The following DPEP1 variants were observed in gnomAD, a reference collection of about 807,000 sequenced individuals.
The protein encoded by DPEP1 is dipeptidase 1.
In DPEP1, 50 loss-of-function variants were observed where a neutral mutation model predicts 42.3. The observed-to-expected ratio is 1.18, with a 90% CI of 0.94 to 1.50. The LOEUF is 1.50. Among genes scored for constraint, DPEP1 ranks in the 40% most tolerant of loss-of-function variants. The probability of loss-of-function intolerance (pLI) is 0.00; values close to 1 mark genes in which losing one functional copy is unlikely to be tolerated. For missense variants in DPEP1, 663 were observed against 553.0 expected, an observed-to-expected ratio of 1.20 and a Z score of -1.99; for synonymous variants, 297 against 234.0, an observed-to-expected ratio of 1.27 and a Z score of -2.46.
chr16:89,637,804 T>G (rs1567993997), intron 9 of DPEP1, 32 bp from the exon 10 acceptor site: 8 of 1,612,506 alleles, frequency 5.0e-6, no homozygotes, highest in Non-Finnish European at 5.9e-6. Flanking sequence ...TGTCCTAGTG[T>G]GGGGGCCCAG....
chr16:89,633,482 A>T (rs937807953), intron 2 of DPEP1, among the ~76,000 whole-genome samples: 1 of 152,208 alleles, frequency 6.6e-6, no homozygotes, highest in Admixed American at 6.5e-5. Context: ...TCCCCTGAGG[A>T]GCTCCATGGG....
intron 1 of DPEP1, among the ~76,000 whole-genome samples, chr16:89,617,788 C>CCGGGCGCGGTGGCTCA (rs2059396514): frequency 3.3e-5 from 5 of 151,972 alleles, no homozygotes; most frequent in East Asian, 3.9e-4. Flanking sequence ...CTGTGGGAGG[C>CCGGGCGCGGTGGCTCA]CAAGACGGGC....
In DPEP1 at chr16:89,618,357, C is replaced by G. The variant is rs1008428919; in HGVS notation, c.-107+4638C>G. Among the ~76,000 whole-genome samples, 10 of 152,220 alleles carry G rather than the reference C, an allele frequency of 6.6e-5. No individual in the cohort carries two copies. The South Asian group carries it at 2.1e-3, about 32-fold the overall frequency. On this transcript the variant is annotated intron_variant, in intron 1 of 10. Coordinates refer to ENST00000690203, the MANE Select transcript of DPEP1 (RefSeq NM_001389466.1). The stretch of plus-strand genomic sequence containing the variant: ...TCGGTCTGCTATGTAGCCAAGACCA[C>G]AAGTGTGTGCCACCACGCTTGGCTA...
At chr16:89,626,541 G>T (rs1055495909) in intron 1 of DPEP1, 1 of 152,078 alleles carries the variant, frequency 6.6e-6, no homozygotes, top group African/African-American at 2.4e-5. Context: ...GTAGAGATGG[G>T]GTTTCTCCAT....
chr16:89,615,381 C>T (rs761084640), intron 1 of DPEP1, among the ~76,000 whole-genome samples: 9 of 152,176 alleles, frequency 5.9e-5, no homozygotes, highest in Non-Finnish European at 1.2e-4. Context: ...CTGGTCTACA[C>T]GCAGCTCTGG....
chr16:89,629,970 G>C (rs544775578), intron 1 of DPEP1, among the ~76,000 whole-genome samples: 3 of 152,306 alleles, frequency 2.0e-5, no homozygotes, highest in East Asian at 3.9e-4. Context: ...CTGTTGTCTT[G>C]CTTGCAGATC....
chr16:89,630,449 C>T lies in DPEP1; in HGVS notation c.39C>T (p.Val13=). 2 of 1,611,672 alleles carry T rather than the reference C, an allele frequency of 1.2e-6. No individual in the cohort carries two copies. The highest frequency in any genetic ancestry group is 1.7e-6 in the Non-Finnish European group (2 of 1,179,286). ...SGWWLWPLVA[V]CTADFFRDEA... ...GGTGGCTGTGGCCCCTTGTGGCCGT[C>T]TGCACTGCAGACTTCTTTCGGGACG... is the stretch of plus-strand genomic sequence containing the variant. The change falls in exon 2 of 11, where the codon GTC becomes GTT. Residue 13 remains valine, a synonymous_variant. Transcript: ENST00000690203.
At chr16:89,623,835 G>A (rs748189095) in intron 1 of DPEP1, among the ~76,000 whole-genome samples, 12 of 152,282 alleles carry the variant, frequency 7.9e-5, no homozygotes, top group Middle Eastern at 6.8e-3. Context: ...GGATACGGGC[G>A]ACTGGAAATT....
chr16:89,616,924 G>A (rs781691648), intron 1 of DPEP1: 45 of 240,668 alleles, frequency 1.9e-4, no homozygotes, highest in South Asian at 3.2e-4. Context: ...GGTAGGAAGC[G>A]GGCAGGTTTT....
chr16:89,619,998 C>A (rs1036646410), intron 1 of DPEP1, among the ~76,000 whole-genome samples: 9 of 146,200 alleles, frequency 6.2e-5, no homozygotes, highest in African/African-American at 1.8e-4. Context: ...GGCCTCCCCC[C>A]GCCTGCTTGA....
At chr16:89,625,929 G>A (rs1183393321) in intron 1 of DPEP1, among the ~76,000 whole-genome samples, 2 of 152,284 alleles carry the variant, frequency 1.3e-5, no homozygotes, top group South Asian at 2.1e-4. Flanking sequence ...ACCAGGACAC[G>A]GGGCCCTGCC....
chr16:89,621,781 C>A (rs1388189337), intron 1 of DPEP1, among the ~76,000 whole-genome samples: 1 of 152,198 alleles, frequency 6.6e-6, no homozygotes, highest in Non-Finnish European at 1.5e-5. Flanking sequence ...GTGGGAAAGT[C>A]TGCACATGTC....
intron 1 of DPEP1, among the ~76,000 whole-genome samples, chr16:89,628,243 C>CT (rs1264532961): frequency 3.6e-5 from 4 of 111,242 alleles, no homozygotes; most frequent in Non-Finnish European, 5.3e-5. Context: ...TTCTTTCTTT[C>CT]TTTCTTTTCT....
intron 1 of DPEP1, among the ~76,000 whole-genome samples, chr16:89,615,722 C>A (rs926058989): frequency 6.6e-6 from 1 of 152,194 alleles, no homozygotes; most frequent in Non-Finnish European, 1.5e-5. Context: ...GGGAACCGGC[C>A]CCACGGAGGC....
At chr16:89,622,381 T>C (rs2059455545) in intron 1 of DPEP1, among the ~76,000 whole-genome samples, 2 of 152,000 alleles carry the variant, frequency 1.3e-5, no homozygotes, top group Admixed American at 1.3e-4. Context: ...CCCTGAACCT[T>C]TCCCACCGCA....
intron 1 of DPEP1, chr16:89,626,323 A>G (rs2059511234): frequency 6.6e-6 from 1 of 152,102 alleles, no homozygotes; most frequent in South Asian, 2.1e-4. Context: ...AGTTCTCACA[A>G]GATCTGTTTG....
intron 1 of DPEP1, among the ~76,000 whole-genome samples, chr16:89,626,715 T>C (rs1567984806): frequency 6.7e-6 from 1 of 148,370 alleles, no homozygotes; most frequent in Non-Finnish European, 1.5e-5. Flanking sequence ...CCCGCTGCCA[T>C]TTAAGACATG....
At chr16:89,638,548 C>A (rs2059713890), downstream of DPEP1, 4 of 1,099,600 alleles carry the variant, frequency 3.6e-6, no homozygotes, top group South Asian at 8.5e-5. Context: ...CGGTCCAGGC[C>A]AGAAGGGCTC....
rs552204867 is a variant in DPEP1 at position 89,617,356 on chromosome 16, C to G, written c.-107+3637C>G. Among the ~76,000 whole-genome samples the G allele has an allele frequency of 5.9e-5, 9 of 152,238 alleles. No homozygotes were observed. The East Asian group carries it at 1.2e-3, about 20-fold the overall frequency. On this transcript the variant is annotated intron_variant, in intron 1 of 10. Transcript: ENST00000690203. ...TGAGGGGAAAAGCGCTCCTGCCTCA[C>G]GAGGCCACAGGAGCTCCCTCAGCAC...
Sources: gnomAD v4.1 joint callset for allele counts (sites outside exome capture counted in the v4.1 genomes callset) on GRCh38, gnomAD v4.1.1 for gene constraint, MANE v1.5 for transcripts, NCBI Gene and HGNC (gene_info 2026-07-23, HGNC 2026-07-21) for gene names.